Variants in PMM2 observed in about 807,000 individuals in gnomAD.
The protein encoded by PMM2 is mannose-6-phosphate isomerase.
PMM2 carries 35 observed loss-of-function variants against 33.2 expected under a neutral mutation model. The ratio of observed to expected loss-of-function variants is 1.06; its 90% CI spans 0.81 to 1.40. The LOEUF (loss-of-function observed/expected upper bound fraction) is 1.40. Ranked by LOEUF, PMM2 falls within the 40% of genes most tolerant of loss-of-function variation. PMM2 has a pLI of 0.00. For missense variants in PMM2, 386 were observed against 306.0 expected (o/e 1.26, Z -1.95); for synonymous variants, 153 against 114.7 (o/e 1.33, Z -2.13).
intron 7 of PMM2, among the ~76,000 whole-genome samples, chr16:8,840,778 A>AAGT (rs1402435167): frequency 6.6e-6 from 1 of 151,920 alleles, no homozygotes; most frequent in African/African-American, 2.4e-5. Flanking sequence ...ATAGATGACT[A>AAGT]AGTAGGGTCC....
chr16:8,820,348 C>CTTTTTTT (rs1451905873), intron 7 of PMM2, among the ~76,000 whole-genome samples: 5 of 131,356 alleles, frequency 3.8e-5, no homozygotes, highest in South Asian at 2.2e-4. Flanking sequence ...GGACACAGTT[C>CTTTTTTT]TTCTTTTTTT....
At chr16:8,833,904 C>G (rs1407224891) in intron 7 of PMM2, among the ~76,000 whole-genome samples, 1 of 151,954 alleles carries the variant, frequency 6.6e-6, no homozygotes, top group East Asian at 1.9e-4. Context: ...GGGGATAGCA[C>G]CAGGAGATAT....
intron 7 of PMM2, among the ~76,000 whole-genome samples, chr16:8,837,186 C>T (rs934218480): frequency 1.3e-4 from 19 of 151,870 alleles, no homozygotes; most frequent in Non-Finnish European, 2.8e-4. Flanking sequence ...GCACTGGGCA[C>T]AGAGACTAGG....
chr16:8,801,817 G>A lies in PMM2; in HGVS notation c.85G>A (p.Asp29Asn). Residue 29 changes from aspartate (D) to asparagine (N), a missense_variant, in exon 2 of 8, where the codon GAT becomes AAT. Asp to Asn is a conservative substitution (Grantham distance 23). Transcript: ENST00000268261. ...AATTTAGAAAATTACCAAAGAAATG[G>A]ATGACTTCCTACAAAAATTGAGGCA... ...APRQKITKEMDDFLQKLRQKI... is the reference protein window; with the variant it reads ...APRQKITKEMNDFLQKLRQKI... 1 of 1,608,972 alleles carries A rather than the reference G, an allele frequency of 6.2e-7. No homozygotes were observed. The highest frequency in any genetic ancestry group is 8.5e-7 in the Non-Finnish European group (1 of 1,176,448).
intron 7 of PMM2, among the ~76,000 whole-genome samples, chr16:8,842,881 A>G (rs1472338773): frequency 1.3e-5 from 2 of 151,910 alleles, no homozygotes; most frequent in Non-Finnish European, 2.9e-5. Context: ...ATGGGATGGT[A>G]ATGGGCATGT....
intron 7 of PMM2, among the ~76,000 whole-genome samples, chr16:8,845,541 C>G (rs1397801610): frequency 2.6e-5 from 4 of 151,980 alleles, no homozygotes; most frequent in Middle Eastern, 3.4e-3. Flanking sequence ...GGGTGTTTGG[C>G]TCTTTTGAGG....
chr16:8,837,601 T>C (rs540631045), intron 7 of PMM2, among the ~76,000 whole-genome samples: 11 of 150,816 alleles, frequency 7.3e-5, no homozygotes, highest in East Asian at 5.9e-4. Flanking sequence ...CACAGAGATA[T>C]AAGAGATTGG....
Position 8,801,888 on chromosome 16 carries a change from G to A in PMM2, c.156G>A (p.Val52=). 1 of 1,609,888 alleles carries A rather than the reference G, an allele frequency of 6.2e-7. No homozygotes were observed. Among genetic ancestry groups the A allele is most frequent in the Non-Finnish European group, 8.5e-7 (1 of 1,176,652 alleles). The change falls in exon 2 of 8, where the codon GTG becomes GTA. Residue 52 remains valine, a synonymous_variant. Transcript: ENST00000268261. ...TAGGCGGATCGGACTTTGAGAAAGT[G>A]CAGGAGCAACTGGGAAATGATGGTA... ...GVVGGSDFEK[V]QEQLGNDVVE... is the part of the protein sequence containing the mutation.
chr16:8,812,683 G>A (rs2060684183), intron 6 of PMM2, among the ~76,000 whole-genome samples: 1 of 152,190 alleles, frequency 6.6e-6, no homozygotes, highest in Non-Finnish European at 1.5e-5. Context: ...GCTGGTATCC[G>A]ATTTTTCATA....
At chr16:8,841,517 A>C (rs2060890944) in intron 7 of PMM2, among the ~76,000 whole-genome samples, 1 of 139,146 alleles carries the variant, frequency 7.2e-6, no homozygotes, top group African/African-American at 2.6e-5. Flanking sequence ...CCTGAGGAGT[A>C]GTAGAATAGC....
At chr16:8,847,108 C>T (rs1056273601) in intron 7 of PMM2, among the ~76,000 whole-genome samples, 1 of 152,158 alleles carries the variant, frequency 6.6e-6, no homozygotes, top group African/African-American at 2.4e-5. Flanking sequence ...AAGTGATCCA[C>T]CCTTCTCAGC....
intron 7 of PMM2, among the ~76,000 whole-genome samples, chr16:8,828,804 T>A (rs2060792903): frequency 2.0e-5 from 3 of 152,110 alleles, no homozygotes; most frequent in African/African-American, 7.2e-5. Context: ...TGAGTGGGTT[T>A]GGTTTGCGCT....
rs139304952 is a variant in PMM2 at position 8,821,044 on chromosome 16, C to G, written c.639+7938C>G. 3.8e-3 allele frequency among the ~76,000 whole-genome samples: 584 copies of G among 152,226 alleles called. 9 individuals carry two copies. The highest frequency in any genetic ancestry group is 0.013 in the African/African-American group (558 of 41,544). On this transcript the variant is annotated intron_variant, in intron 7 of 7. Transcript: ENST00000268261. ...CCTAGCATCTGTAGCTCTTTCAGGA[C>G]TCAAGGCTAAGGAGGGCACAGAATG...
At chr16:8,804,020 GGGTTTTTTTT>G (rs1482765250) in intron 2 of PMM2, among the ~76,000 whole-genome samples, 3 of 61,132 alleles carry the variant, frequency 4.9e-5, no homozygotes, top group African/African-American at 1.5e-4. Context: ...TTTGTTTTTT[GGGTTTTTTTT>G]GTTTTTTTTT....
intron 7 of PMM2, among the ~76,000 whole-genome samples, chr16:8,820,853 C>G (rs1180773759): frequency 6.6e-6 from 1 of 152,176 alleles, no homozygotes; most frequent in Non-Finnish European, 1.5e-5. Flanking sequence ...GAGATTGGAG[C>G]CTGCCAAGTC....
chr16:8,847,475 C>T (rs985683984), intron 7 of PMM2, among the ~76,000 whole-genome samples: 4 of 151,838 alleles, frequency 2.6e-5, no homozygotes, highest in Non-Finnish European at 5.9e-5. Context: ...GCAAGAACAT[C>T]GTGATGGCTC....
At chr16:8,842,634 G>C (rs1236365259) in intron 7 of PMM2, among the ~76,000 whole-genome samples, 3 of 152,156 alleles carry the variant, frequency 2.0e-5, no homozygotes, top group Non-Finnish European at 1.5e-5. Flanking sequence ...AGAGTGTATG[G>C]GTTGGGCACC....
At chr16:8,841,410 T>G (rs959650479) in intron 7 of PMM2, among the ~76,000 whole-genome samples, 1 of 149,308 alleles carries the variant, frequency 6.7e-6, no homozygotes, top group East Asian at 2.0e-4. Context: ...TTTAGTTATC[T>G]GACTCGGGGC....
intron 2 of PMM2, among the ~76,000 whole-genome samples, chr16:8,803,895 G>T (rs2060629565): frequency 6.6e-6 from 1 of 151,646 alleles, no homozygotes; most frequent in African/African-American, 2.4e-5. Flanking sequence ...TGTTGGCCAG[G>T]CTGGTCTTGA....
Sources: gnomAD v4.1 joint callset for allele counts (sites outside exome capture counted in the v4.1 genomes callset) on GRCh38, gnomAD v4.1.1 for gene constraint, MANE v1.5 for transcripts, NCBI Gene and HGNC (gene_info 2026-07-23, HGNC 2026-07-21) for gene names.